TCF12: variants seen among roughly 807,000 people sequenced by gnomAD.
TCF12 encodes the protein DNA-binding protein HTF4.
TCF12 carries 45 observed loss-of-function variants against 86.0 expected under a neutral mutation model. That is an observed-to-expected ratio of 0.52 (90% CI 0.41 to 0.67). The LOEUF (loss-of-function observed/expected upper bound fraction) is 0.67. TCF12 is among the 30% of genes least tolerant of loss of function. TCF12 has a pLI of 0.00. For missense variants in TCF12, 881 were observed against 859.9 expected (o/e 1.02, Z -0.31); for synonymous variants, 330 against 299.6 (o/e 1.10, Z -1.05).
At chr15:57,173,933 C>G (rs1251256916) in intron 6 of TCF12, among the ~76,000 whole-genome samples, 1 of 152,048 alleles carries the variant, frequency 6.6e-6, no homozygotes, top group African/African-American at 2.4e-5. Flanking sequence ...GTCTCAAACC[C>G]CTGACCTTGT....
At chr15:57,223,154 T>C (rs1225014495) in intron 8 of TCF12, among the ~76,000 whole-genome samples, 1 of 151,990 alleles carries the variant, frequency 6.6e-6, no homozygotes, top group African/African-American at 2.4e-5. Flanking sequence ...TACTAGCTCA[T>C]TTTATAAATA....
chr15:57,147,592 A>G (rs895273264), intron 5 of TCF12, among the ~76,000 whole-genome samples: 1 of 152,230 alleles, frequency 6.6e-6, no homozygotes, highest in Non-Finnish European at 1.5e-5. Context: ...GTATAAAATA[A>G]AAAACCTATA....
chr15:56,977,283 A>G (rs1244133599), intron 3 of TCF12, among the ~76,000 whole-genome samples: 6 of 152,090 alleles, frequency 3.9e-5, no homozygotes, highest in Non-Finnish European at 8.8e-5. Context: ...CTGTAATCCT[A>G]GCACTTTGGG....
At chr15:57,260,575 AT>A (rs2060543618) in intron 16 of TCF12, among the ~76,000 whole-genome samples, 1 of 152,184 alleles carries the variant, frequency 6.6e-6, no homozygotes, top group Non-Finnish European at 1.5e-5. Context: ...TTAAGTCCAC[AT>A]TATTATAAAT....
chr15:56,955,281 C>G (rs2061457362), intron 3 of TCF12, among the ~76,000 whole-genome samples: 2 of 152,074 alleles, frequency 1.3e-5, no homozygotes, highest in Non-Finnish European at 2.9e-5. Context: ...AACCATCATT[C>G]TCAGCAAACT....
intron 3 of TCF12, among the ~76,000 whole-genome samples, chr15:56,922,828 G>A (rs1488358372): frequency 1.3e-5 from 2 of 151,952 alleles, no homozygotes; most frequent in Middle Eastern, 3.4e-3. Context: ...TTCAAATCAA[G>A]ATGTACTGGT....
intron 3 of TCF12, among the ~76,000 whole-genome samples, chr15:57,043,186 AATCC>A (rs1431271999): frequency 6.6e-6 from 1 of 152,170 alleles, no homozygotes; most frequent in African/African-American, 2.4e-5. Flanking sequence ...TAACTACATT[AATCC>A]ATCGGTAGAC....
At chr15:57,110,903 A>G (rs1215758813) in intron 5 of TCF12, among the ~76,000 whole-genome samples, 1 of 152,200 alleles carries the variant, frequency 6.6e-6, no homozygotes, top group African/African-American at 2.4e-5. Flanking sequence ...AGGGGGGAAA[A>G]TTTGATATGG....
intron 5 of TCF12, among the ~76,000 whole-genome samples, chr15:57,137,033 G>C (rs182579359): frequency 7.3e-6 from 1 of 137,814 alleles, no homozygotes; most frequent in East Asian, 2.2e-4. Context: ...AGGCTGGAGT[G>C]CAGTGGCGCG....
At chr15:57,073,256 TA>T (rs1692673904) in intron 4 of TCF12, among the ~76,000 whole-genome samples, 1 of 152,236 alleles carries the variant, frequency 6.6e-6, no homozygotes, top group Middle Eastern at 3.2e-3. Flanking sequence ...GTTCAGATTT[TA>T]AAGTTAACAA....
At chr15:56,932,457 T>C (rs2060287205) in intron 3 of TCF12, among the ~76,000 whole-genome samples, 1 of 152,170 alleles carries the variant, frequency 6.6e-6, no homozygotes, top group Non-Finnish European at 1.5e-5. Context: ...AAATTTGTTA[T>C]AATAAGAAGT....
intron 18 of TCF12, among the ~76,000 whole-genome samples, chr15:57,266,905 C>T (rs116798263): frequency 0.01 from 1,526 of 152,106 alleles, 21 homozygotes; most frequent in African/African-American, 0.035. Flanking sequence ...GGCAAACACC[C>T]GTAGTCCCAG....
intron 5 of TCF12, among the ~76,000 whole-genome samples, chr15:57,159,902 A>C (rs1266426837): frequency 6.6e-6 from 1 of 152,248 alleles, no homozygotes; most frequent in Non-Finnish European, 1.5e-5. Flanking sequence ...CTATTCATTG[A>C]AACTAATAAA....
At chr15:57,049,093 C>G (rs1470639923) in intron 3 of TCF12, among the ~76,000 whole-genome samples, 2 of 152,040 alleles carry the variant, frequency 1.3e-5, no homozygotes, top group East Asian at 1.9e-4. Flanking sequence ...TTCTGGGGGC[C>G]GTGGGATGGA....
intron 8 of TCF12, among the ~76,000 whole-genome samples, chr15:57,223,659 T>TTTTTTTTTGTTTTTG (rs2058726854): frequency 6.9e-6 from 1 of 144,418 alleles, no homozygotes; most frequent in African/African-American, 2.5e-5. Context: ...TTTTTTTTTT[T>TTTTTTTTTGTTTTTG]TTTTTTTTTT....
chr15:57,054,809 G>A lies in TCF12; in HGVS notation c.149-8941G>A, dbSNP rs187640173. On this transcript the variant is annotated intron_variant, in intron 3 of 20. Coordinates refer to ENST00000333725, the MANE Select transcript of TCF12 (RefSeq NM_207037.2). ...TTTTTTTTTTTTTTTTTTTGGTAGC[G>A]TCTCTAGGGATGTTAACATACATCA... 3.6e-3 allele frequency among the ~76,000 whole-genome samples: 363 copies of A among 101,094 alleles called. 1 individual carries two copies. Among genetic ancestry groups the A allele is most frequent in the African/African-American group, 0.013 (349 of 25,906 alleles). The allele number at this position is 101,094 out of a possible 152,430, so 66.3% of individuals were successfully genotyped here.
chr15:57,157,097 C>A (rs1454003078), intron 5 of TCF12, among the ~76,000 whole-genome samples: 1 of 152,108 alleles, frequency 6.6e-6, no homozygotes, highest in Admixed American at 6.6e-5. Flanking sequence ...CTTTCTTTTT[C>A]TTTGTTTTGG....
intron 4 of TCF12, among the ~76,000 whole-genome samples, chr15:57,088,975 A>G (rs2048819638): frequency 1.3e-5 from 2 of 152,210 alleles, no homozygotes; most frequent in African/African-American, 4.8e-5. Flanking sequence ...CAAAAGTTAT[A>G]CTATGGGTGG....
At chr15:56,970,188 A>G (rs1216350106) in intron 3 of TCF12, among the ~76,000 whole-genome samples, 1 of 152,178 alleles carries the variant, frequency 6.6e-6, no homozygotes, top group Admixed American at 6.5e-5. Flanking sequence ...AACCATTTGG[A>G]AAAAAGATTA....
Sources: allele counts gnomAD v4.1 joint callset (sites outside exome capture counted in the v4.1 genomes callset), GRCh38; gene constraint gnomAD v4.1.1; transcripts MANE v1.5; gene names NCBI Gene and HGNC (gene_info 2026-07-23, HGNC 2026-07-21).